RBPJ: variants seen among roughly 807,000 people sequenced by gnomAD.
RBPJ encodes recombining binding protein suppressor of hairless.
A neutral mutation model predicts 67.8 loss-of-function variants in RBPJ; 9 were observed. The ratio of observed to expected loss-of-function variants is 0.13; its 90% CI spans 0.08 to 0.23. The LOEUF (loss-of-function observed/expected upper bound fraction) is 0.23, where lower values mean the gene tolerates loss of function less well. RBPJ is among the 10% of genes least tolerant of loss of function. RBPJ has a pLI of 1.00. For missense variants in RBPJ, 305 were observed against 595.6 expected (o/e 0.51, Z 5.08); for synonymous variants, 198 against 203.3 (o/e 0.97, Z 0.22).
chr4:26,256,134 G>C (rs1388413935), intron 1 of RBPJ, among the ~76,000 whole-genome samples: 1 of 151,932 alleles, frequency 6.6e-6, no homozygotes, highest in East Asian at 1.9e-4. Flanking sequence ...AAAGATATAT[G>C]GTCTCTAGAC....
intron 1 of RBPJ, among the ~76,000 whole-genome samples, chr4:26,271,642 G>C (rs1720919669): frequency 6.6e-6 from 1 of 152,230 alleles, no homozygotes; most frequent in African/African-American, 2.4e-5. Context: ...GAAAGCCTCT[G>C]CCTGCATATG....
chr4:26,167,650 T>C (rs1716374126), intron 1 of RBPJ, among the ~76,000 whole-genome samples: 1 of 136,506 alleles, frequency 7.3e-6, no homozygotes, highest in Non-Finnish European at 1.6e-5. Flanking sequence ...TATACAATCA[T>C]GTCGTCTGCA....
intron 1 of RBPJ, among the ~76,000 whole-genome samples, chr4:26,356,154 G>C (rs1025817349): frequency 1.3e-5 from 2 of 152,206 alleles, no homozygotes; most frequent in African/African-American, 4.8e-5. Flanking sequence ...AGGTAAGCCT[G>C]AGTAGAGTCC....
At position 26,264,095 on chromosome 4, in the gene RBPJ, G is replaced by A. The variant is rs546612302; in HGVS notation, c.-166-98351G>A. On this transcript the variant is annotated intron_variant, in intron 1 of 4. Transcript: ENST00000512351. This position sits in a 1 kb window ranked among gnomAD's most constrained non-coding sequence, Gnocchi z 4.1. Reference sequence around the variant, plus strand: ...TTTCACTATGTTGGCCAGGCTGCAGGCTGGTCTTGAACTCTCGACTCAGGT... The same window carrying A: ...TTTCACTATGTTGGCCAGGCTGCAGACTGGTCTTGAACTCTCGACTCAGGT... Among the ~76,000 whole-genome samples, 1 of 151,624 alleles carries A rather than the reference G, an allele frequency of 6.6e-6. No individual in the cohort carries two copies. The highest frequency in any genetic ancestry group is 2.1e-4 in the South Asian group (1 of 4,788).
intron 5 of RBPJ, among the ~76,000 whole-genome samples, chr4:26,423,659 T>C (rs1735361072): frequency 6.6e-6 from 1 of 152,236 alleles, no homozygotes; most frequent in Non-Finnish European, 1.5e-5. Context: ...TGCTTTAACT[T>C]TGTGTTTGTA....
At chr4:26,419,764 A>G (rs1734945032) in intron 4 of RBPJ, among the ~76,000 whole-genome samples, 1 of 152,200 alleles carries the variant, frequency 6.6e-6, no homozygotes, top group African/African-American at 2.4e-5. Flanking sequence ...GAATTGTTAT[A>G]TATAATATAA....
At position 26,433,910 on chromosome 4, in the gene RBPJ, T is replaced by TAA; in HGVS notation, c.*2903_*2904insAA. ...ACTCTCTTATTAGAATGGTGAGTGC[T>TAA]TCAGTTATAGTATGTTTGAATTTTT... On this transcript the variant is annotated 3_prime_UTR_variant, in exon 11 of 11. Coordinates refer to ENST00000355476, the MANE Select transcript of RBPJ (RefSeq NM_015874.6). 1 of 152,224 alleles carries TAA rather than the reference T, an allele frequency of 6.6e-6. No homozygotes were observed. The highest frequency in any genetic ancestry group is 1.9e-4 in the East Asian group (1 of 5,200). 9.4% of individuals were successfully genotyped at this position (152,224 alleles called of 1,614,324 possible).
chr4:26,263,659 C>T (rs1340036955), intron 1 of RBPJ, among the ~76,000 whole-genome samples: 2 of 152,138 alleles, frequency 1.3e-5, no homozygotes, highest in East Asian at 3.8e-4. Flanking sequence ...GCAACCTCCA[C>T]TTCCCGGATT....
At position 26,413,467 on chromosome 4, in the gene RBPJ, T is replaced by C. The variant is rs77044066; in HGVS notation, c.156-2008T>C. 7.7e-4 allele frequency among the ~76,000 whole-genome samples: 117 copies of C among 152,318 alleles called. 2 individuals are homozygous for C. In the East Asian group the frequency reaches 0.02, roughly 26 times the overall value. On this transcript the variant is annotated intron_variant, in intron 3 of 10. Transcript: ENST00000355476. Reference sequence around the variant, plus strand: ...CTCTCCTATTAGAGTGTAAGTTCCATGAGGAGAGGAATTTTGTCTAATTTT... The same window carrying C: ...CTCTCCTATTAGAGTGTAAGTTCCACGAGGAGAGGAATTTTGTCTAATTTT...
At chr4:26,404,846 T>C (rs1025739002) in intron 2 of RBPJ, among the ~76,000 whole-genome samples, 1 of 152,234 alleles carries the variant, frequency 6.6e-6, no homozygotes, top group African/African-American at 2.4e-5. Flanking sequence ...CTGTGTCTAC[T>C]TCTCGCTCAG....
upstream of RBPJ, chr4:26,320,024 A>T: frequency 1.4e-6 from 1 of 732,350 alleles, no homozygotes; most frequent in Non-Finnish European, 2.3e-6. Flanking sequence ...CGGCTGTGCC[A>T]GGCCCTCGGG....
chr4:26,164,435 C>G (rs1315278919), intron 1 of RBPJ, among the ~76,000 whole-genome samples: 1 of 152,152 alleles, frequency 6.6e-6, no homozygotes, highest in African/African-American at 2.4e-5. Flanking sequence ...CTCTGGCTCT[C>G]AGAGCAGGGG....
At chr4:26,142,657 G>T in the RBPJ span, among the ~76,000 whole-genome samples, 3 of 152,288 alleles carry the variant, frequency 2.0e-5, no homozygotes, top group Non-Finnish European at 2.9e-5. Flanking sequence ...GTGAACTGTT[G>T]GGGTCAACCT....
At chr4:26,304,207 T>C (rs1038061868) in intron 1 of RBPJ, among the ~76,000 whole-genome samples, 7 of 152,248 alleles carry the variant, frequency 4.6e-5, no homozygotes, top group Non-Finnish European at 8.8e-5. Flanking sequence ...TATAAACTAA[T>C]AGTATTCTAT....
intron 1 of RBPJ, among the ~76,000 whole-genome samples, chr4:26,309,523 T>A (rs1208291547): frequency 6.6e-6 from 1 of 152,228 alleles, no homozygotes; most frequent in East Asian, 1.9e-4. Context: ...AGGTTTCATA[T>A]TCCCCTTTTG....
the RBPJ span, among the ~76,000 whole-genome samples, chr4:26,150,577 C>G: frequency 6.6e-6 from 1 of 152,220 alleles, no homozygotes; most frequent in Non-Finnish European, 1.5e-5. Context: ...GCTACTCAAC[C>G]TCTCTGTGAC....
the RBPJ span, among the ~76,000 whole-genome samples, chr4:26,147,103 T>C: frequency 6.6e-6 from 1 of 152,220 alleles, no homozygotes; most frequent in Non-Finnish European, 1.5e-5. Context: ...TCAAGCGTGA[T>C]TGAATCAGAC....
chr4:26,236,352 G>C (rs1719452001), intron 1 of RBPJ, among the ~76,000 whole-genome samples: 1 of 152,194 alleles, frequency 6.6e-6, no homozygotes, highest in African/African-American at 2.4e-5. Context: ...CCACAAATTA[G>C]TGGCTTAAAA....
At chr4:26,330,373 A>G (rs1313974318) in intron 1 of RBPJ, among the ~76,000 whole-genome samples, 1 of 152,220 alleles carries the variant, frequency 6.6e-6, no homozygotes, top group East Asian at 1.9e-4. Flanking sequence ...GTAATATATA[A>G]CACTTGCCAC....
Sources: gnomAD v4.1 joint callset for allele counts (sites outside exome capture counted in the v4.1 genomes callset) on GRCh38, gnomAD v4.1.1 for gene constraint, Gnocchi (gnomAD v3.1) non-coding constraint, MANE v1.5 for transcripts, NCBI Gene and HGNC (gene_info 2026-07-23, HGNC 2026-07-21) for gene names.